The following BCAS4 variants were observed in gnomAD, a reference collection of about 807,000 sequenced individuals.
BCAS4 encodes breast carcinoma amplified sequence 4.
BCAS4 carries 9 observed loss-of-function variants against 15.7 expected under a neutral mutation model. The observed-to-expected ratio is 0.57, with a 90% CI of 0.34 to 1.00. The LOEUF (loss-of-function observed/expected upper bound fraction) is 1.00, where lower values mean the gene tolerates loss of function less well. Among genes scored for constraint, BCAS4 ranks in the 50% least tolerant of loss-of-function variants. The pLI, the probability that BCAS4 is intolerant of heterozygous loss-of-function variation, is 0.02. For synonymous variants in BCAS4, 101 were observed against 99.5 expected (o/e 1.02, Z -0.09); for missense variants, 225 against 239.1 (o/e 0.94, Z 0.39).
At chr20:50,801,371 A>G (rs908261428) in intron 1 of BCAS4, among the ~76,000 whole-genome samples, 3 of 152,106 alleles carry the variant, frequency 2.0e-5, no homozygotes, top group South Asian at 4.1e-4. Flanking sequence ...AGTTGCAGTG[A>G]GGCCGAGATT....
chr20:50,835,435 G>A (rs868300928), intron 3 of BCAS4, among the ~76,000 whole-genome samples: 24 of 151,958 alleles, frequency 1.6e-4, no homozygotes, highest in South Asian at 1.2e-3. Context: ...TATTAGAGAC[G>A]GGGTTTCACC....
chr20:50,856,334 C>T (rs529261269), intron 4 of BCAS4, among the ~76,000 whole-genome samples: 7 of 152,306 alleles, frequency 4.6e-5, no homozygotes, highest in Non-Finnish European at 1.0e-4. Flanking sequence ...GAGTTCATCC[C>T]GATGCCTGTT....
chr20:50,844,234 G>A (rs953066301), intron 4 of BCAS4, among the ~76,000 whole-genome samples: 3 of 152,114 alleles, frequency 2.0e-5, no homozygotes, highest in South Asian at 4.1e-4. Flanking sequence ...AGGATTGCTT[G>A]AGTTCAAGAC....
intron 1 of BCAS4, among the ~76,000 whole-genome samples, chr20:50,798,737 A>G (rs1012725235): frequency 7.9e-5 from 12 of 152,142 alleles, no homozygotes; most frequent in African/African-American, 2.4e-4. Context: ...GGTCTCCGTC[A>G]CCCTCTGCCT....
chr20:50,822,739 G>A (rs1007956086), intron 2 of BCAS4, among the ~76,000 whole-genome samples: 9 of 151,468 alleles, frequency 5.9e-5, no homozygotes, highest in African/African-American at 2.2e-4. Flanking sequence ...GGGTTCAAGC[G>A]ATTCTCGTGC....
chr20:50,808,845 C>T (rs1217320771), intron 1 of BCAS4, among the ~76,000 whole-genome samples: 1 of 152,112 alleles, frequency 6.6e-6, no homozygotes, highest in Non-Finnish European at 1.5e-5. Context: ...GTTTAAGTCC[C>T]ACCTATTTAT....
intron 4 of BCAS4, among the ~76,000 whole-genome samples, chr20:50,845,062 T>G (rs530773310): frequency 6.6e-6 from 1 of 152,210 alleles, no homozygotes; most frequent in South Asian, 2.1e-4. Context: ...TCATCACCGC[T>G]GGTGTTGGGG....
At chr20:50,866,056 A>G (rs541935247) in intron 4 of BCAS4, among the ~76,000 whole-genome samples, 1 of 152,164 alleles carries the variant, frequency 6.6e-6, no homozygotes, top group Admixed American at 6.5e-5. Context: ...AGAAGAGCCC[A>G]GTTGAGTCTC....
chr20:50,873,794 T>A (rs1979777270), intron 4 of BCAS4, among the ~76,000 whole-genome samples: 1 of 152,184 alleles, frequency 6.6e-6, no homozygotes, highest in Non-Finnish European at 1.5e-5. Context: ...CAAGAGTGGC[T>A]GACTGAGGAT....
chr20:50,797,487 G>A (rs904287415), intron 1 of BCAS4, among the ~76,000 whole-genome samples: 8 of 152,030 alleles, frequency 5.3e-5, no homozygotes, highest in Non-Finnish European at 1.0e-4. Flanking sequence ...TTGAGACCAG[G>A]AGTTCAAGAC....
chr20:50,813,632 A>G (rs1600853584), intron 1 of BCAS4, among the ~76,000 whole-genome samples: 1 of 136,634 alleles, frequency 7.3e-6, no homozygotes, highest in East Asian at 2.4e-4. Flanking sequence ...AGGATGATGG[A>G]GTTTCCATTT....
intron 2 of BCAS4, among the ~76,000 whole-genome samples, chr20:50,829,617 T>C (rs2088319304): frequency 6.6e-6 from 1 of 152,038 alleles, no homozygotes; most frequent in African/African-American, 2.4e-5. Context: ...GAAAATGGAA[T>C]CTCTCGTTCT....
At chr20:50,871,103 C>T (rs1013954636) in intron 4 of BCAS4, among the ~76,000 whole-genome samples, 3 of 152,248 alleles carry the variant, frequency 2.0e-5, no homozygotes, top group African/African-American at 7.2e-5. Flanking sequence ...CTGAAGTCTT[C>T]TCTGAGATTT....
intron 3 of BCAS4, chr20:50,840,767 G>A (rs11696843): frequency 0.026 from 41,381 of 1,581,252 alleles, 886 homozygotes; most frequent in Admixed American, 0.1. Context: ...GAGGAGAAGC[G>A]GAGCGAGGCA....
At chr20:50,844,624 G>T (rs1481768008) in intron 4 of BCAS4, among the ~76,000 whole-genome samples, 1 of 152,110 alleles carries the variant, frequency 6.6e-6, no homozygotes, top group Non-Finnish European at 1.5e-5. Flanking sequence ...CCCATTTACA[G>T]AGGCAGAGAC....
intron 1 of BCAS4, among the ~76,000 whole-genome samples, chr20:50,816,176 C>T (rs1170702097): frequency 1.3e-5 from 2 of 152,168 alleles, no homozygotes; most frequent in Admixed American, 1.3e-4. Flanking sequence ...CAGACGCGTG[C>T]CACCACGTCT....
chr20:50,840,852 G>A (rs1241887702), intron 3 of BCAS4: 20 of 883,694 alleles, frequency 2.3e-5, no homozygotes, highest in Admixed American at 1.4e-4. Flanking sequence ...TTTTTGAGAC[G>A]GAGTTTCACT....
At chr20:50,872,122 G>T (rs1198131270) in intron 4 of BCAS4, among the ~76,000 whole-genome samples, 1 of 152,052 alleles carries the variant, frequency 6.6e-6, no homozygotes, top group Non-Finnish European at 1.5e-5. Flanking sequence ...TTAGCTGGTT[G>T]TGGTGGTGGG....
rs556409314 is a variant in BCAS4 at position 50,848,972 on chromosome 20, A to T, written c.399+7072A>T. Among the ~76,000 whole-genome samples the T allele has an allele frequency of 3.3e-5, 5 of 152,316 alleles. No homozygotes were observed. The East Asian group carries it at 9.7e-4, about 29-fold the overall frequency. On this transcript the variant is annotated intron_variant, in intron 4 of 4. Transcript: ENST00000371608. ...TGCGGAGGGCCCCTCACATCTGGAG[A>T]TGGTTTCAGGCATGTGCGGAAGTGA...
Sources: allele counts gnomAD v4.1 joint callset (sites outside exome capture counted in the v4.1 genomes callset), GRCh38; gene constraint gnomAD v4.1.1; transcripts MANE v1.5; gene names NCBI Gene and HGNC (gene_info 2026-07-23, HGNC 2026-07-21).